TRPC7: variants seen among roughly 807,000 people sequenced by gnomAD.
TRPC7 encodes transient receptor potential cation channel subfamily C member 7, also known as short transient receptor potential channel 7.
A neutral mutation model predicts 90.1 loss-of-function variants in TRPC7; 42 were observed. That is an observed-to-expected ratio of 0.47 (90% CI 0.36 to 0.60). The LOEUF (loss-of-function observed/expected upper bound fraction) is 0.60, where lower values mean the gene tolerates loss of function less well. TRPC7 is among the 20% of genes least tolerant of loss of function. The pLI, the probability that TRPC7 is intolerant of heterozygous loss-of-function variation, is 0.00. For synonymous variants in TRPC7, 451 were observed against 436.3 expected, an observed-to-expected ratio of 1.03 and a Z score of -0.42; for missense variants, 955 against 1,112.3, an observed-to-expected ratio of 0.86 and a Z score of 2.01.
intron 7 of TRPC7, among the ~76,000 whole-genome samples, chr5:136,237,993 C>T (rs920294360): frequency 2.6e-5 from 4 of 152,250 alleles, no homozygotes; most frequent in Admixed American, 2.0e-4. Flanking sequence ...TGGTTCCTCC[C>T]GCCTCCTGGA....
At chr5:136,345,059 A>G (rs941312513) in intron 2 of TRPC7, among the ~76,000 whole-genome samples, 2 of 152,204 alleles carry the variant, frequency 1.3e-5, no homozygotes, top group Non-Finnish European at 2.9e-5. Context: ...TATTTCTTGA[A>G]TTTTTGATAG....
chr5:136,321,710 C>CA (rs1451036425), intron 2 of TRPC7, among the ~76,000 whole-genome samples: 1 of 151,774 alleles, frequency 6.6e-6, no homozygotes, highest in South Asian at 2.1e-4. Context: ...AGGAGGAAAA[C>CA]AAAAAAATAC....
intron 2 of TRPC7, among the ~76,000 whole-genome samples, chr5:136,332,562 G>A (rs1197297474): frequency 6.6e-6 from 1 of 152,162 alleles, no homozygotes; most frequent in South Asian, 2.1e-4. Context: ...ACGTGACTTG[G>A]ACCAGAAGGG....
chr5:136,226,710 A>C (rs1204306369), intron 8 of TRPC7, among the ~76,000 whole-genome samples: 3 of 152,260 alleles, frequency 2.0e-5, no homozygotes, highest in African/African-American at 7.2e-5. Flanking sequence ...GATGAGCCAC[A>C]TAGGTAAGTT....
intron 3 of TRPC7, among the ~76,000 whole-genome samples, chr5:136,310,423 C>G (rs946079736): frequency 6.6e-6 from 1 of 152,156 alleles, no homozygotes; most frequent in African/African-American, 2.4e-5. Context: ...GCACTTTGTT[C>G]CCTTCCCATG....
At chr5:136,350,652 T>G (rs1362593745) in intron 2 of TRPC7, among the ~76,000 whole-genome samples, 1 of 152,242 alleles carries the variant, frequency 6.6e-6, no homozygotes, top group Non-Finnish European at 1.5e-5. Flanking sequence ...GTCCCTTTTC[T>G]GGAGATAAGC....
chr5:136,250,548 TAC>T (rs1370783569), intron 6 of TRPC7, among the ~76,000 whole-genome samples: 1 of 152,332 alleles, frequency 6.6e-6, no homozygotes, highest in South Asian at 2.1e-4. Flanking sequence ...GTACAGAAAT[TAC>T]AGTGTTTGAA....
chr5:136,337,758 C>G (rs138517301), intron 2 of TRPC7, among the ~76,000 whole-genome samples: 164 of 151,940 alleles, frequency 1.1e-3, no homozygotes, highest in African/African-American at 3.8e-3. Flanking sequence ...AGAGTATGAA[C>G]TTCAAACAAA....
chr5:136,321,944 A>C (rs974023166), intron 2 of TRPC7, among the ~76,000 whole-genome samples: 1 of 152,158 alleles, frequency 6.6e-6, no homozygotes, highest in African/African-American at 2.4e-5. Context: ...TTACTCACTG[A>C]AGGACATTTT....
intron 2 of TRPC7, among the ~76,000 whole-genome samples, chr5:136,327,352 G>A (rs1313740090): frequency 6.6e-6 from 1 of 152,202 alleles, no homozygotes; most frequent in Non-Finnish European, 1.5e-5. Flanking sequence ...GAAACAGCAA[G>A]GGGGATGCCC....
intron 3 of TRPC7, among the ~76,000 whole-genome samples, chr5:136,291,481 G>A (rs1380145599): frequency 6.6e-6 from 1 of 152,028 alleles, no homozygotes; most frequent in Non-Finnish European, 1.5e-5. Context: ...AAAAAGGCAG[G>A]GATTGCAATC....
intron 7 of TRPC7, among the ~76,000 whole-genome samples, chr5:136,245,333 T>A (rs1320569635): frequency 6.6e-6 from 1 of 152,220 alleles, no homozygotes; most frequent in Non-Finnish European, 1.5e-5. Flanking sequence ...ACAGCTTCTG[T>A]GGTTCAGCAG....
At chr5:136,302,460 G>T (rs995771071) in intron 3 of TRPC7, among the ~76,000 whole-genome samples, 1 of 151,876 alleles carries the variant, frequency 6.6e-6, no homozygotes, top group Non-Finnish European at 1.5e-5. Context: ...TCCATGCCCC[G>T]ACCCCTTTCC....
intron 4 of TRPC7, among the ~76,000 whole-genome samples, chr5:136,269,072 C>T (rs1006343205): frequency 1.3e-5 from 2 of 152,158 alleles, no homozygotes; most frequent in African/African-American, 2.4e-5. Flanking sequence ...GCTGCAGAAT[C>T]GTTAAAGCTG....
intron 3 of TRPC7, among the ~76,000 whole-genome samples, chr5:136,296,670 A>G (rs1482418108): frequency 6.6e-6 from 1 of 152,232 alleles, no homozygotes; most frequent in Non-Finnish European, 1.5e-5. Context: ...GTACGTAAAT[A>G]CATGTCTGCA....
chr5:136,223,131 C>T (rs972268320), intron 10 of TRPC7, among the ~76,000 whole-genome samples: 2 of 152,230 alleles, frequency 1.3e-5, no homozygotes, highest in Non-Finnish European at 2.9e-5. Context: ...GAATAAGTCA[C>T]CTCAGGCTTC....
intron 6 of TRPC7, 37 bp downstream of exon 6, chr5:136,251,612 C>A: frequency 6.6e-7 from 1 of 1,517,048 alleles, no homozygotes; most frequent in African/African-American, 1.4e-5. Context: ...GTCCCGGAAG[C>A]GCCAAAATGG....
chr5:136,266,570 A>G, intron 4 of TRPC7, 134 bp from the exon 5 acceptor site: 1 of 773,180 alleles, frequency 1.3e-6, no homozygotes, highest in Non-Finnish European at 2.1e-6. Context: ...CTGAACCCAT[A>G]CAACATTTTT....
At chr5:136,285,122 G>T (rs552790353) in intron 3 of TRPC7, among the ~76,000 whole-genome samples, 2 of 152,292 alleles carry the variant, frequency 1.3e-5, no homozygotes, top group South Asian at 4.2e-4. Context: ...GGTAGCTCAG[G>T]GTGGCTGGAC....
Sources: allele counts gnomAD v4.1 joint callset (sites outside exome capture counted in the v4.1 genomes callset), GRCh38; gene constraint gnomAD v4.1.1; transcripts MANE v1.5; gene names NCBI Gene and HGNC (gene_info 2026-07-23, HGNC 2026-07-21).